The following SCART1 variants were observed in gnomAD, a reference collection of about 807,000 sequenced individuals.
SCART1 encodes scavenger receptor cysteine-rich domain-containing protein SCART1.
Under a neutral mutation model 36.2 loss-of-function variants are expected in SCART1, and 62 were observed. The ratio of observed to expected loss-of-function variants is 1.71; its 90% CI spans 1.40 to 2.12. The LOEUF is 2.12. Among genes scored for constraint, SCART1 ranks in the 30% most tolerant of loss-of-function variants. The probability of loss-of-function intolerance (pLI) is 0.00; values close to 1 mark genes in which losing one functional copy is unlikely to be tolerated. For missense variants in SCART1, 1,041 were observed against 540.5 expected (o/e 1.93, Z -9.18); for synonymous variants, 487 against 238.7 (o/e 2.04, Z -9.59).
At chr10:133,459,539 C>T (rs1199085080) in exon 6 of SCART1, 11 of 681,774 alleles carry the variant, frequency 1.6e-5, no homozygotes, top group Non-Finnish European at 2.7e-5. Context: ...GTGACGGCCG[C>T]GTGGAGGTCT....
chr10:133,459,270 G>T (rs1478114497), exon 5 of SCART1: 1 of 667,912 alleles, frequency 1.5e-6, no homozygotes, highest in South Asian at 1.6e-5. Flanking sequence ...TGCCCAGTAA[G>T]CACCCTGGGG....
exon 5 of SCART1, chr10:133,459,141 A>C (rs1233781308): frequency 1.4e-6 from 1 of 702,868 alleles, no homozygotes; most frequent in South Asian, 1.5e-5. Flanking sequence ...GTCCTCTGCC[A>C]CCAGCTCAAC....
exon 12 of SCART1, chr10:133,468,228 ATCAGTGGTT>A: frequency 3.1e-6 from 1 of 324,864 alleles, no homozygotes; most frequent in Non-Finnish European, 5.6e-6. Context: ...ACACATAGAA[ATCAGTGGTT>A]CCATTTGTGG....
exon 12 of SCART1, chr10:133,469,053 CT>C (rs1313004619): frequency 1.8e-4 from 27 of 152,276 alleles, no homozygotes; most frequent in African/African-American, 6.3e-4. Flanking sequence ...TGTTTCCTGA[CT>C]TTTTAATAAT....
intron 6 of SCART1, among the ~76,000 whole-genome samples, chr10:133,462,804 G>A (rs1285575789): frequency 6.6e-6 from 1 of 152,208 alleles, no homozygotes; most frequent in African/African-American, 2.4e-5. Context: ...CCTAGGAACA[G>A]GCACAGAGTC....
rs1564833994 is a variant in SCART1 at position 133,458,543 on chromosome 10, CG to C, written c.868del (p.Val290CysfsTer70). The C allele has an allele frequency of 5.9e-6, 4 of 676,848 alleles. No individual in the cohort carries two copies. The Admixed American group carries it at 9.7e-5, about 16-fold the overall frequency. The allele number at this position is 676,848 out of a possible 1,614,324, so 41.9% of individuals were successfully genotyped here. A position where few individuals can be genotyped will look rare whatever the true frequency, so the allele number is the denominator to read the frequency against. On this transcript the variant is annotated frameshift_variant, in exon 4 of 12. Transcript: ENST00000640237. LOFTEE classifies it high-confidence loss of function. The stretch of plus-strand genomic sequence containing the variant: ...GCCCGCTTCGGCCGGGGCTCGGGGC[CG>C]GTGTGGACGGAGGCCTTCCGCTGTG...
chr10:133,460,284 GA>G (rs1387905678), intron 6 of SCART1, 114 bp downstream of exon 6: 2 of 399,234 alleles, frequency 5.0e-6, no homozygotes, highest in Non-Finnish European at 8.9e-6. Context: ...CCTGAATGCA[GA>G]ACTTCCACAG....
rs750822451 is a variant in SCART1 at position 133,465,268 on chromosome 10, G to T, written c.2362G>T (p.Val788Leu). The change falls in exon 9 of 12, where the codon GTG (valine) becomes TTG (leucine). Residue 788 changes from valine to leucine, a missense_variant. By Grantham distance (32) the Val-to-Leu change is conservative (BLOSUM62 1). Coordinates refer to ENST00000640237, the Ensembl canonical transcript of SCART1. ...TTTTGCAGAGGAGGGCGCACTGCGC[G>T]TGCGCGGGGGCGAGGACCGCTGCTC... 4.3e-6 allele frequency: 3 copies of T among 690,338 alleles called. No individual in the cohort carries two copies. In the Admixed American group the frequency reaches 6.1e-5, roughly 14 times the overall value. The allele number at this position is 690,338 out of a possible 1,614,324, so 42.8% of individuals were successfully genotyped here.
chr10:133,457,386 G>A (rs1368658516), exon 3 of SCART1: 22 of 701,936 alleles, frequency 3.1e-5, no homozygotes, highest in Non-Finnish European at 2.6e-6. Context: ...CCTGCATGTG[G>A]AGGAGGCCAT....
At position 133,454,016 on chromosome 10, in the gene SCART1, AC is replaced by A. The variant is rs1196824103; in HGVS notation, c.22del (p.Leu8TrpfsTer8). On this transcript the variant is annotated frameshift_variant, in exon 1 of 12. Coordinates refer to ENST00000640237, the Ensembl canonical transcript of SCART1. LOFTEE classifies it high-confidence loss of function. Reference sequence around the variant, plus strand: ...TGGGACCATGAGGGCAGCTCTCTGGACCCTGGGACTCGGGCCCCTTCTTCTG... The same window carrying A: ...TGGGACCATGAGGGCAGCTCTCTGGACCTGGGACTCGGGCCCCTTCTTCTG... 3 of 702,762 alleles carry A rather than the reference AC, an allele frequency of 4.3e-6. No individual in the cohort carries two copies. Among genetic ancestry groups the A allele is most frequent in the Non-Finnish European group, 7.8e-6 (3 of 384,972 alleles). The allele number at this position is 702,762 out of a possible 1,614,324, so 43.5% of individuals were successfully genotyped here.
chr10:133,458,195 C>T (rs1385539934), intron 3 of SCART1, 165 bp from the exon 4 acceptor site: 13 of 700,156 alleles, frequency 1.9e-5, no homozygotes, highest in South Asian at 3.0e-5. Context: ...CTCTGGGTGC[C>T]GGGTGGAAGG....
chr10:133,458,481 G>A, exon 4 of SCART1: 2 of 691,434 alleles, frequency 2.9e-6, no homozygotes, highest in East Asian at 2.7e-5. Flanking sequence ...TGTGCCGGGA[G>A]CTGCAGTGTG....
chr10:133,454,016 A>T (rs1246266212), exon 1 of SCART1: 1 of 702,762 alleles, frequency 1.4e-6, no homozygotes, highest in African/African-American at 1.7e-5. Context: ...AGCTCTCTGG[A>T]CCCTGGGACT....
chr10:133,456,733 C>T (rs1236224658), intron 2 of SCART1, among the ~76,000 whole-genome samples, 179 bp downstream of exon 2: 4 of 151,992 alleles, frequency 2.6e-5, no homozygotes, highest in Non-Finnish European at 4.4e-5. Flanking sequence ...CCGGGGCCAT[C>T]CTGACTGTAA....
chr10:133,459,733 C>T, exon 6 of SCART1: 2 of 700,010 alleles, frequency 2.9e-6, no homozygotes. Context: ...ACCCGCCTGA[C>T]TCAGTGCAAC....
intron 1 of SCART1, among the ~76,000 whole-genome samples, chr10:133,454,736 G>A (rs1328762817): frequency 6.6e-6 from 1 of 152,138 alleles, no homozygotes; most frequent in Non-Finnish European, 1.5e-5. Context: ...TGGTCCAGGT[G>A]CCCAGCAGGG....
chr10:133,460,675 A>G (rs1850691903), intron 6 of SCART1, among the ~76,000 whole-genome samples: 1 of 151,620 alleles, frequency 6.6e-6, no homozygotes, highest in Non-Finnish European at 1.5e-5. Context: ...TGCTGGGACT[A>G]CAGAAGTGAG....
At chr10:133,462,552 A>G (rs1272264877) in intron 6 of SCART1, among the ~76,000 whole-genome samples, 1 of 152,236 alleles carries the variant, frequency 6.6e-6, no homozygotes, top group African/African-American at 2.4e-5. Context: ...TGTGAAATTA[A>G]TGCTGAGTAA....
chr10:133,460,002 C>A, exon 6 of SCART1: 1 of 531,426 alleles, frequency 1.9e-6, no homozygotes. Flanking sequence ...GGGCTGTGGC[C>A]GCGCCCTGAG....
Sources: allele counts gnomAD v4.1 joint callset (sites outside exome capture counted in the v4.1 genomes callset), GRCh38; gene constraint gnomAD v4.1.1; transcripts MANE v1.5; gene names NCBI Gene and HGNC (gene_info 2026-07-23, HGNC 2026-07-21).